The following NCALD variants were observed in gnomAD, a reference collection of about 807,000 sequenced individuals.
NCALD encodes the protein neurocalcin delta, also known as neurocalcin-delta.
Under a neutral mutation model 18.6 loss-of-function variants are expected in NCALD, and 10 were observed. That is an observed-to-expected ratio of 0.54 (90% CI 0.33 to 0.91). NCALD has a LOEUF of 0.91. NCALD is among the 40% of genes least tolerant of loss of function. The pLI is 0.03. For missense variants in NCALD, 184 were observed against 247.6 expected (o/e 0.74, Z 1.72); for synonymous variants, 88 against 87.4 (o/e 1.01, Z -0.04).
chr8:101,946,609 T>C lies in NCALD; in HGVS notation c.-156-30751A>G, dbSNP rs1311540445. ...CCTATCAGAGCAACAGGAATTCTAC[T>C]AATATTGCAGCAAGAACAAACATCA... On this transcript the variant is annotated intron_variant, in intron 2 of 6. Transcript: ENST00000311028. 2.0e-5 allele frequency among the ~76,000 whole-genome samples: 3 copies of C among 152,184 alleles called. No individual in the cohort carries two copies. The East Asian group carries it at 5.8e-4, about 29-fold the overall frequency.
At chr8:102,019,926 T>C (rs1822215265) in intron 2 of NCALD, among the ~76,000 whole-genome samples, 1 of 152,196 alleles carries the variant, frequency 6.6e-6, no homozygotes, top group Non-Finnish European at 1.5e-5. Flanking sequence ...CTTAAGGTGA[T>C]AATGAATATT....
intron 3 of NCALD, among the ~76,000 whole-genome samples, chr8:101,892,218 C>G (rs1816930832): frequency 6.7e-6 from 1 of 149,466 alleles, no homozygotes; most frequent in African/African-American, 2.5e-5. Context: ...GACCCCCGAG[C>G]AGCCGAACTG....
chr8:101,851,016 T>C (rs1815071133), intron 4 of NCALD, among the ~76,000 whole-genome samples: 1 of 152,232 alleles, frequency 6.6e-6, no homozygotes, highest in African/African-American at 2.4e-5. Context: ...GTTTTGGTTT[T>C]TGTTTTACTT....
upstream of NCALD, among the ~76,000 whole-genome samples, chr8:101,794,861 T>A (rs1812582190): frequency 6.6e-6 from 1 of 152,216 alleles, no homozygotes; most frequent in South Asian, 2.1e-4. Context: ...AAAATTGAAT[T>A]ATTTCTCATG....
chr8:102,007,964 A>G (rs942543903), intron 2 of NCALD, among the ~76,000 whole-genome samples: 2 of 152,222 alleles, frequency 1.3e-5, no homozygotes. Context: ...AGTGTCCTTT[A>G]GCCAGTGCTT....
chr8:102,065,129 GAAGA>G (rs1162014381), intron 1 of NCALD, among the ~76,000 whole-genome samples: 2 of 151,684 alleles, frequency 1.3e-5, no homozygotes, highest in African/African-American at 4.8e-5. Flanking sequence ...AGTGGAGAAA[GAAGA>G]AAGAAACAGT....
At chr8:102,066,631 G>A (rs989051443) in intron 1 of NCALD, among the ~76,000 whole-genome samples, 4 of 152,220 alleles carry the variant, frequency 2.6e-5, no homozygotes, top group African/African-American at 9.6e-5. Flanking sequence ...AGAGAAGAGA[G>A]GGAAAACCCG....
At chr8:101,962,182 T>C (rs1457153267) in intron 2 of NCALD, among the ~76,000 whole-genome samples, 1 of 152,138 alleles carries the variant, frequency 6.6e-6, no homozygotes, top group East Asian at 1.9e-4. Flanking sequence ...TGGCAATAAT[T>C]CACCCTTGAA....
chr8:101,959,446 T>C (rs906435646), intron 2 of NCALD, among the ~76,000 whole-genome samples: 1 of 152,184 alleles, frequency 6.6e-6, no homozygotes, highest in Non-Finnish European at 1.5e-5. Flanking sequence ...TTGTAATATG[T>C]AGGTATTTCA....
chr8:101,707,980 T>G (rs540523336), intron 2 of NCALD, among the ~76,000 whole-genome samples: 3 of 152,234 alleles, frequency 2.0e-5, no homozygotes, highest in Non-Finnish European at 4.4e-5. Flanking sequence ...GTAAAAGTGC[T>G]GATTACAAAT....
intron 2 of NCALD, among the ~76,000 whole-genome samples, chr8:101,985,504 G>A (rs1341690291): frequency 2.6e-5 from 4 of 152,200 alleles, no homozygotes; most frequent in Admixed American, 2.0e-4. Context: ...CCAGTGAGAG[G>A]ATGGAGAAAT....
chr8:101,691,707 C>G, intron 3 of NCALD: 1 of 985,364 alleles, frequency 1.0e-6, no homozygotes, highest in Non-Finnish European at 1.2e-6. Context: ...AGGAAACAAG[C>G]AAGCAGACAG....
chr8:102,054,656 C>G (rs2132233758), intron 1 of NCALD, among the ~76,000 whole-genome samples: 1 of 140,284 alleles, frequency 7.1e-6, no homozygotes, highest in East Asian at 2.2e-4. Flanking sequence ...CTCTCTTTCT[C>G]TTCCGATAGA....
At chr8:101,755,503 ATGACTC>A (rs1202160459) in intron 1 of NCALD, among the ~76,000 whole-genome samples, 1 of 152,168 alleles carries the variant, frequency 6.6e-6, no homozygotes, top group Non-Finnish European at 1.5e-5. Flanking sequence ...TTTCATGCTC[ATGACTC>A]TTCCTTACCT....
At chr8:102,109,956 T>G (rs947958508) in intron 1 of NCALD, among the ~76,000 whole-genome samples, 17 of 152,228 alleles carry the variant, frequency 1.1e-4, no homozygotes, top group Non-Finnish European at 2.5e-4. Flanking sequence ...TTTTCTAAAT[T>G]ATTTTTTCAC....
At chr8:101,728,284 G>A (rs747237605) in intron 1 of NCALD, among the ~76,000 whole-genome samples, 11 of 150,638 alleles carry the variant, frequency 7.3e-5, no homozygotes, top group Non-Finnish European at 1.5e-4. Context: ...GCATTTCTGC[G>A]ATTCCTCATA....
At chr8:101,974,526 T>C (rs2131909759) in intron 2 of NCALD, among the ~76,000 whole-genome samples, 1 of 152,272 alleles carries the variant, frequency 6.6e-6, no homozygotes, top group South Asian at 2.1e-4. Flanking sequence ...TGCTCAAGCA[T>C]GTGGGATGTC....
In NCALD at chr8:101,799,962, A is replaced by G. The variant is rs181842657; in HGVS notation, c.-19-80314T>C. 3.9e-5 allele frequency among the ~76,000 whole-genome samples: 6 copies of G among 152,340 alleles called. No homozygotes were observed. In the East Asian group the frequency reaches 1.2e-3, roughly 29 times the overall value. ...TATGGGTTCTCTCTGTATTATTCTT[A>G]CAACTGTATGTGAATCTACATTTAT... On this transcript the variant is annotated intron_variant, in intron 4 of 6. Transcript: ENST00000311028.
At chr8:101,723,265 C>G (rs181963250) in intron 1 of NCALD, among the ~76,000 whole-genome samples, 3 of 152,202 alleles carry the variant, frequency 2.0e-5, no homozygotes, top group African/African-American at 7.2e-5. Context: ...AATTTTTTCT[C>G]TATTAAGTTA....
Sources: allele counts gnomAD v4.1 joint callset (sites outside exome capture counted in the v4.1 genomes callset), GRCh38; gene constraint gnomAD v4.1.1; transcripts MANE v1.5; gene names NCBI Gene and HGNC (gene_info 2026-07-23, HGNC 2026-07-21).